Variants in PRDM2 observed in about 807,000 individuals in gnomAD.
PRDM2 encodes the protein PR/SET domain 2, also known as PR domain zinc finger protein 2.
PRDM2 carries 30 observed loss-of-function variants against 130.0 expected under a neutral mutation model. That is an observed-to-expected ratio of 0.23 (90% CI 0.17 to 0.31). PRDM2 has a LOEUF of 0.31. Ranked by LOEUF, PRDM2 falls within the 10% of genes least tolerant of loss-of-function variation. The pLI is 1.00. For missense variants in PRDM2, 2,011 were observed against 2,108.4 expected (o/e 0.95, Z 0.90); for synonymous variants, 871 against 782.4 (o/e 1.11, Z -1.89).
intron 8 of PRDM2, among the ~76,000 whole-genome samples, chr1:13,789,758 T>C (rs1348480163): frequency 6.6e-6 from 1 of 152,232 alleles, no homozygotes; most frequent in East Asian, 1.9e-4. Flanking sequence ...GAAAGTGGAT[T>C]AGAGCACAGG....
chr1:13,817,852 T>A (rs182773002), intron 9 of PRDM2, among the ~76,000 whole-genome samples: 10 of 151,930 alleles, frequency 6.6e-5, no homozygotes, highest in African/African-American at 2.4e-4. Flanking sequence ...ACAAAAAAAT[T>A]AGCCGGGCAT....
chr1:13,802,759 A>G (rs1469912279), intron 8 of PRDM2, among the ~76,000 whole-genome samples: 1 of 152,148 alleles, frequency 6.6e-6, no homozygotes, highest in Non-Finnish European at 1.5e-5. Context: ...TCTGCTTTTT[A>G]TATGTTCATC....
chr1:13,751,336 CTT>C (rs1430501429), intron 6 of PRDM2, among the ~76,000 whole-genome samples: 3 of 152,244 alleles, frequency 2.0e-5, no homozygotes, highest in Admixed American at 6.5e-5. Flanking sequence ...AATTAAAAGA[CTT>C]ATGTTTATGC....
At chr1:13,746,602 G>A (rs1251584797) in intron 5 of PRDM2, among the ~76,000 whole-genome samples, 1 of 150,750 alleles carries the variant, frequency 6.6e-6, no homozygotes, top group Non-Finnish European at 1.5e-5. Flanking sequence ...TGTCTTGTGG[G>A]CTGGAGTGCA....
At chr1:13,785,827 T>C (rs1208034955) in intron 8 of PRDM2, among the ~76,000 whole-genome samples, 2 of 151,092 alleles carry the variant, frequency 1.3e-5, no homozygotes, top group African/African-American at 2.4e-5. Flanking sequence ...CACGGTGTTT[T>C]TGGGTTCTTT....
Position 13,759,885 on chromosome 1 carries a change from A to T in PRDM2, c.511+10398A>T, listed in dbSNP as rs78390559. Among the ~76,000 whole-genome samples, 18 of 152,330 alleles carry T rather than the reference A, an allele frequency of 1.2e-4. 1 individual carries two copies. The East Asian group carries it at 2.9e-3, about 24-fold the overall frequency. Reference sequence around the variant, plus strand: ...ATAATAATAAATATCATATGTTGTCAGTGGTCTCAATCTTGGATTTTTGGA... The same window carrying T: ...ATAATAATAAATATCATATGTTGTCTGTGGTCTCAATCTTGGATTTTTGGA... On this transcript the variant is annotated intron_variant, in intron 6 of 9. Transcript: ENST00000311066.
intron 6 of PRDM2, among the ~76,000 whole-genome samples, chr1:13,766,717 G>T (rs1644234964): frequency 6.6e-6 from 1 of 152,214 alleles, no homozygotes; most frequent in African/African-American, 2.4e-5. Flanking sequence ...TAACTTCTGT[G>T]CACAGATATT....
At chr1:13,728,575 T>G (rs1243132198) in intron 2 of PRDM2, among the ~76,000 whole-genome samples, 1 of 152,116 alleles carries the variant, frequency 6.6e-6, no homozygotes, top group Admixed American at 6.5e-5. Flanking sequence ...GGTGCTCTGT[T>G]GTAGTTTGGT....
intron 6 of PRDM2, among the ~76,000 whole-genome samples, chr1:13,762,030 C>T (rs939166816): frequency 3.3e-5 from 5 of 152,086 alleles, no homozygotes; most frequent in Non-Finnish European, 7.4e-5. Context: ...GAACATATGC[C>T]GACAATTTAG....
At chr1:13,710,348 C>T (rs995748993) in intron 1 of PRDM2, among the ~76,000 whole-genome samples, 7 of 152,164 alleles carry the variant, frequency 4.6e-5, no homozygotes, top group Non-Finnish European at 1.0e-4. Flanking sequence ...GTTGTGTTGA[C>T]ACTTTATGGG....
intron 2 of PRDM2, among the ~76,000 whole-genome samples, chr1:13,720,750 A>G (rs759599551): frequency 6.6e-6 from 1 of 152,210 alleles, no homozygotes; most frequent in Non-Finnish European, 1.5e-5. Flanking sequence ...ATCCCTATTT[A>G]ACAGATAAGA....
In PRDM2 at chr1:13,782,439, C is replaced by T. The variant is rs773490810; in HGVS notation, c.4644C>T (p.Ser1548=). The T allele has an allele frequency of 6.2e-7, 1 of 1,614,064 alleles. No individual in the cohort carries two copies. Among genetic ancestry groups the T allele is most frequent in the Admixed American group, 1.7e-5 (1 of 60,002 alleles). Residue 1548 remains serine (S), a synonymous_variant, in exon 8 of 10, where the codon TCC becomes TCT. Coordinates refer to ENST00000311066, the MANE Select transcript of PRDM2 (RefSeq NM_001393986.1). ...GCCCCACCCAAGTCCCACTTCCCTCCTCATCCTTCAGGTCCAAGCAGAACG... is the reference window on the plus strand; with the variant it reads ...GCCCCACCCAAGTCCCACTTCCCTCTTCATCCTTCAGGTCCAAGCAGAACG... ...SSGPTQVPLP[S]SSFRSKQNVK...
At chr1:13,783,880 G>A (rs1031827223) in intron 8 of PRDM2, among the ~76,000 whole-genome samples, 1 of 152,026 alleles carries the variant, frequency 6.6e-6, no homozygotes, top group African/African-American at 2.4e-5. Context: ...AAATTCTTTG[G>A]TGTTTTAAGC....
chr1:13,749,445 G>A lies in PRDM2; in HGVS notation c.469G>A (p.Ala157Thr). 1 of 1,510,826 alleles carries A rather than the reference G, an allele frequency of 6.6e-7. No homozygotes were observed. The highest frequency in any genetic ancestry group is 8.9e-7 in the Non-Finnish European group (1 of 1,117,790). The allele number at this position is 1,510,826 out of a possible 1,614,324, so 93.6% of individuals were successfully genotyped here. A position where few individuals can be genotyped will look rare whatever the true frequency, so the allele number is the denominator to read the frequency against. Residue 157 changes from alanine to threonine, a missense_variant, in exon 6 of 10, where the codon GCC becomes ACC. This residue lies in a region of PRDM2 where 1,288 missense variants were observed against 1,237.7 expected (regional missense o/e 1.04). Coordinates refer to ENST00000311066, the MANE Select transcript of PRDM2 (RefSeq NM_001393986.1). ...AGCAGCTGCGATTGAGGAAGAGCGA[G>A]CCAGCGCCCGGAGCAAGCGGAGCTC... ...EIAAAIEEER[A>T]SARSKRSSPK...
intron 1 of PRDM2, 60 bp downstream of exon 1, chr1:13,700,360 C>G (rs1401037256): frequency 6.7e-6 from 1 of 149,374 alleles, no homozygotes; most frequent in South Asian, 1.8e-4. Flanking sequence ...GTCCCTCCCC[C>G]CGAGGAGCGC....
intron 7 of PRDM2, among the ~76,000 whole-genome samples, chr1:13,774,113 G>A (rs985377434): frequency 3.0e-4 from 45 of 152,308 alleles, no homozygotes; most frequent in African/African-American, 1.1e-3. Context: ...TCCCTCTGGT[G>A]ATAATATTCT....
At chr1:13,810,497 C>CTTT (rs57728640) in intron 8 of PRDM2, among the ~76,000 whole-genome samples, 1 of 146,694 alleles carries the variant, frequency 6.8e-6, no homozygotes, top group African/African-American at 2.5e-5. Context: ...TTTTTCTTTT[C>CTTT]TTTTTTTTTT....
chr1:13,736,337 C>T (rs921087699), intron 4 of PRDM2, among the ~76,000 whole-genome samples: 1 of 152,018 alleles, frequency 6.6e-6, no homozygotes, highest in Non-Finnish European at 1.5e-5. Context: ...TGGTCTTGAA[C>T]TCAGGGGCTC....
At chr1:13,818,986 A>T (rs1645303616) in intron 9 of PRDM2, among the ~76,000 whole-genome samples, 1 of 152,176 alleles carries the variant, frequency 6.6e-6, no homozygotes, top group Non-Finnish European at 1.5e-5. Flanking sequence ...AAGAGAAGAG[A>T]CATAGGACGT....
Sources: allele counts gnomAD v4.1 joint callset (sites outside exome capture counted in the v4.1 genomes callset), GRCh38; gene constraint gnomAD v4.1.1; regional missense constraint gnomAD v4.1.1; transcripts MANE v1.5; gene names NCBI Gene and HGNC (gene_info 2026-07-23, HGNC 2026-07-21).